Variants in PTK2B observed in about 807,000 individuals in gnomAD.
PTK2B encodes protein-tyrosine kinase 2-beta.
Under a neutral mutation model 142.9 loss-of-function variants are expected in PTK2B, and 71 were observed. The observed-to-expected ratio is 0.50, with a 90% CI of 0.41 to 0.61. PTK2B has a LOEUF of 0.61. PTK2B is among the 20% of genes least tolerant of loss of function. The probability of loss-of-function intolerance (pLI) is 0.00; values close to 1 mark genes in which losing one functional copy is unlikely to be tolerated. For synonymous variants in PTK2B, 519 were observed against 503.4 expected, an observed-to-expected ratio of 1.03 and a Z score of -0.42; for missense variants, 1,105 against 1,320.4, an observed-to-expected ratio of 0.84 and a Z score of 2.53.
intron 24 of PTK2B, among the ~76,000 whole-genome samples, chr8:27,449,920 A>G (rs540252330): frequency 9.9e-5 from 15 of 152,092 alleles, no homozygotes; most frequent in Non-Finnish European, 2.1e-4. Context: ...ATCAAACTAT[A>G]TTTCTTTGAA....
At chr8:27,341,956 GT>G (rs1177630644) in intron 1 of PTK2B, among the ~76,000 whole-genome samples, 1 of 152,134 alleles carries the variant, frequency 6.6e-6, no homozygotes, top group African/African-American at 2.4e-5. Context: ...GATTACACAG[GT>G]ATGATCCACC....
chr8:27,449,574 T>G (rs951438573), intron 24 of PTK2B, among the ~76,000 whole-genome samples: 2 of 152,260 alleles, frequency 1.3e-5, no homozygotes, highest in East Asian at 3.8e-4. Flanking sequence ...CTGAGGGACC[T>G]GCCAGCTTAG....
intron 1 of PTK2B, among the ~76,000 whole-genome samples, chr8:27,386,246 A>G (rs1055177076): frequency 6.6e-6 from 1 of 152,178 alleles, no homozygotes; most frequent in Non-Finnish European, 1.5e-5. Context: ...TTTCACTACT[A>G]TAAATAGTAC....
intron 3 of PTK2B, among the ~76,000 whole-genome samples, chr8:27,317,560 G>T (rs544818253): frequency 4.3e-4 from 65 of 152,298 alleles, no homozygotes; most frequent in African/African-American, 1.5e-3. Context: ...CATTGTAAAT[G>T]GAATTGTTTT....
chr8:27,372,461 A>G (rs954808626), intron 1 of PTK2B, among the ~76,000 whole-genome samples: 1 of 152,170 alleles, frequency 6.6e-6, no homozygotes, highest in African/African-American at 2.4e-5. Flanking sequence ...CTTACTCAGC[A>G]GGGGGGTCAG....
intron 1 of PTK2B, chr8:27,380,815 C>G (rs1586197902): frequency 1.3e-5 from 2 of 152,334 alleles, no homozygotes; most frequent in East Asian, 3.9e-4. Context: ...CGATTCAGTT[C>G]TCACAGTGAG....
intron 1 of PTK2B, among the ~76,000 whole-genome samples, chr8:27,346,502 T>G (rs1237087342): frequency 2.6e-5 from 4 of 152,186 alleles, no homozygotes; most frequent in Non-Finnish European, 5.9e-5. Context: ...GCCGTGATTG[T>G]GCAGCTGCAC....
intron 1 of PTK2B, among the ~76,000 whole-genome samples, chr8:27,360,043 C>T (rs535778528): frequency 9.2e-5 from 14 of 152,334 alleles, no homozygotes; most frequent in Non-Finnish European, 1.9e-4. Flanking sequence ...TTCTTTACCA[C>T]TCGGATGTGA....
At chr8:27,362,992 C>A (rs932592846) in intron 1 of PTK2B, among the ~76,000 whole-genome samples, 1 of 152,198 alleles carries the variant, frequency 6.6e-6, no homozygotes. Context: ...ACCCTCATGG[C>A]CAGAGTCAGC....
At chr8:27,311,111 C>T, upstream of PTK2B, 1 of 1,599,752 alleles carries the variant, frequency 6.3e-7, no homozygotes. Context: ...CACGCACCCG[C>T]GGCAGAAGTT....
chr8:27,420,329 A>G (rs1298772112), intron 3 of PTK2B, among the ~76,000 whole-genome samples: 2 of 152,176 alleles, frequency 1.3e-5, no homozygotes, highest in Non-Finnish European at 2.9e-5. Context: ...TGCTAGGGGA[A>G]AAGAGAGACA....
intron 5 of PTK2B, among the ~76,000 whole-genome samples, chr8:27,426,832 T>A (rs1029377531): frequency 8.5e-5 from 13 of 152,238 alleles, no homozygotes; most frequent in Admixed American, 7.2e-4. Context: ...ACCACCTTGA[T>A]CATGCTAAAA....
At chr8:27,433,668 C>A in intron 11 of PTK2B, 116 bp downstream of exon 11, 1 of 920,834 alleles carries the variant, frequency 1.1e-6, no homozygotes. Context: ...GGATTCTTCC[C>A]CCACAGCCCA....
intron 2 of PTK2B, among the ~76,000 whole-genome samples, chr8:27,402,069 C>T (rs887015051): frequency 6.6e-5 from 10 of 152,142 alleles, no homozygotes; most frequent in African/African-American, 2.4e-5. Context: ...AAACTAAGCA[C>T]AGAGAATTTA....
chr8:27,437,439 C>T lies in PTK2B; in HGVS notation c.1470C>T (p.Ile490=), dbSNP rs1456102449. The T allele has an allele frequency of 9.9e-6, 16 of 1,613,278 alleles. No homozygotes were observed. Among genetic ancestry groups the T allele is most frequent in the South Asian group, 3.3e-5 (3 of 90,994 alleles). ...NLDHPHIVKL[I]GIIEEEPTWI... ...ACCACCCGCACATCGTGAAGCTGATCGGCATCATTGAAGAGGAGCCCACCT... is the reference window on the plus strand; with the variant it reads ...ACCACCCGCACATCGTGAAGCTGATTGGCATCATTGAAGAGGAGCCCACCT... The change falls in exon 17 of 31, where the codon ATC becomes ATT. Residue 490 remains isoleucine (I), a synonymous_variant. Coordinates refer to ENST00000346049, the MANE Select transcript of PTK2B (RefSeq NM_173176.3).
At chr8:27,440,708 A>G (rs914735524) in intron 21 of PTK2B, among the ~76,000 whole-genome samples, 5 of 152,222 alleles carry the variant, frequency 3.3e-5, no homozygotes, top group Non-Finnish European at 2.9e-5. Context: ...GGTTAGACTC[A>G]AAAGCCTGAG....
intron 1 of PTK2B, among the ~76,000 whole-genome samples, chr8:27,341,141 A>T (rs557661817): frequency 1.8e-4 from 28 of 152,156 alleles, no homozygotes; most frequent in Non-Finnish European, 4.0e-4. Context: ...GGGCATCCTC[A>T]TGTTCTACCT....
intron 1 of PTK2B, among the ~76,000 whole-genome samples, chr8:27,371,911 G>A (rs892071715): frequency 2.0e-5 from 3 of 152,188 alleles, no homozygotes; most frequent in Admixed American, 6.5e-5. Flanking sequence ...TGAGCACCTC[G>A]TGTGTGCCAG....
At chr8:27,449,192 G>A (rs545239389) in intron 24 of PTK2B, among the ~76,000 whole-genome samples, 122 of 152,352 alleles carry the variant, frequency 8.0e-4, no homozygotes, top group Non-Finnish European at 1.3e-3. Flanking sequence ...TTAACCCCAC[G>A]AGAATAAGAA....
Sources: allele counts gnomAD v4.1 joint callset (sites outside exome capture counted in the v4.1 genomes callset), GRCh38; gene constraint gnomAD v4.1.1; transcripts MANE v1.5; gene names NCBI Gene and HGNC (gene_info 2026-07-23, HGNC 2026-07-21).